The following ENTPD2 variants were observed in gnomAD, a reference collection of about 807,000 sequenced individuals.
The protein encoded by ENTPD2 is ectonucleoside triphosphate diphosphohydrolase 2.
A neutral mutation model predicts 46.8 loss-of-function variants in ENTPD2; 48 were observed. The observed-to-expected ratio is 1.03, with a 90% CI of 0.81 to 1.30. The LOEUF is 1.30. ENTPD2 is among the 50% of genes most tolerant of loss of function. ENTPD2 has a pLI of 0.00. For missense variants in ENTPD2, 707 were observed against 651.1 expected (o/e 1.09, Z -0.93); for synonymous variants, 316 against 286.1 (o/e 1.10, Z -1.06).
intron 4 of ENTPD2, 22 bp from the exon 5 acceptor site, chr9:137,051,151 G>T (rs1832284815): frequency 6.2e-7 from 1 of 1,612,286 alleles, no homozygotes; most frequent in Admixed American, 1.7e-5. Context: ...GGAGTGTGGG[G>T]TCAACCAGGG....
chr9:137,052,417 A>T, intron 1 of ENTPD2, 69 bp from the exon 2 acceptor site: 2 of 1,313,746 alleles, frequency 1.5e-6, no homozygotes, highest in South Asian at 2.5e-5. Flanking sequence ...CCAAACGTGA[A>T]GTTGGGTTCC....
rs1296496618 is a variant in ENTPD2 at position 137,051,191 on chromosome 9, T to C, written c.546+20A>G. The C allele has an allele frequency of 1.9e-6, 3 of 1,611,988 alleles. No individual in the cohort carries two copies. Among genetic ancestry groups the C allele is most frequent in the Admixed American group, 3.3e-5 (2 of 60,002 alleles). ...AGGGCGCCCACGCCCCCTGGCTCTT[T>C]GGCTGGCTGCTGGGCCCACCTTGAT... On this transcript the variant is annotated intron_variant, in intron 4 of 8. Coordinates refer to ENST00000355097, the MANE Select transcript of ENTPD2 (RefSeq NM_203468.3).
At position 137,048,707 on chromosome 9, in the gene ENTPD2, C is replaced by T. The variant is rs139168222; in HGVS notation, c.1438G>A (p.Val480Ile). ...LFASALLAAL[V>I]LLLRQVHSAK... Reference sequence around the variant, plus strand: ...GAGTGCACCTGACGCAGCAGCAGGACAAGCGCAGCCAGGAGCGCGGAGGCG... The same window carrying T: ...GAGTGCACCTGACGCAGCAGCAGGATAAGCGCAGCCAGGAGCGCGGAGGCG... The change falls in exon 9 of 9, where the codon GTC becomes ATC. Residue 480 changes from valine (V) to isoleucine (I), a missense_variant. Coordinates refer to ENST00000355097, the MANE Select transcript of ENTPD2 (RefSeq NM_203468.3). 6.6e-4 allele frequency: 1,053 copies of T among 1,606,124 alleles called. 4 individuals carry two copies. In the African/African-American group the frequency reaches 0.013, roughly 20 times the overall value.
Position 137,053,876 on chromosome 9 carries a change from C to T in ENTPD2, c.117+5G>A. ...CAGACGTGCGCTGGGTGCCCGGGCG[C>T]GCACCTTGAGGGCGGGCGGCTCCCG... On this transcript the variant is annotated splice_donor_5th_base_variant and intron_variant, in intron 1 of 8. Transcript: ENST00000355097. 1 of 1,223,916 alleles carries T rather than the reference C, an allele frequency of 8.2e-7. No homozygotes were observed. Among genetic ancestry groups the T allele is most frequent in the Non-Finnish European group, 1.0e-6 (1 of 982,330 alleles). The allele number at this position is 1,223,916 out of a possible 1,614,324, so 75.8% of individuals were successfully genotyped here. A position where few individuals can be genotyped will look rare whatever the true frequency, so the allele number is the denominator to read the frequency against.
In ENTPD2 at chr9:137,053,908, G is replaced by A. The variant is rs1832351205; in HGVS notation, c.90C>T (p.Arg30=). The A allele has an allele frequency of 3.3e-6, 4 of 1,225,486 alleles. No homozygotes were observed. Among genetic ancestry groups the A allele is most frequent in the South Asian group, 4.1e-5 (1 of 24,418 alleles). The allele number at this position is 1,225,486 out of a possible 1,614,324, so 75.9% of individuals were successfully genotyped here. The part of the protein sequence containing the change: ...AGLLLLCVPT[R]DVREPPALKY... ...TGAGGGCGGGCGGCTCCCGGACGTC[G>A]CGGGTGGGGACGCACAGCAGTAGGA... The change falls in exon 1 of 9, where the codon CGC becomes CGT. Residue 30 remains arginine, a synonymous_variant. Transcript: ENST00000355097.
Position 137,053,912 on chromosome 9 carries a change from G to A in ENTPD2, c.86C>T (p.Thr29Ile). The A allele has an allele frequency of 8.2e-7, 1 of 1,225,732 alleles. No individual in the cohort carries two copies. The highest frequency in any genetic ancestry group is 1.0e-6 in the Non-Finnish European group (1 of 983,938). The allele number at this position is 1,225,732 out of a possible 1,614,324, so 75.9% of individuals were successfully genotyped here. Residue 29 changes from threonine (T) to isoleucine (I), a missense_variant, in exon 1 of 9, where the codon ACC becomes ATC. Transcript: ENST00000355097. Reference sequence around the variant, plus strand: ...GGCGGGCGGCTCCCGGACGTCGCGGGTGGGGACGCACAGCAGTAGGAGGCC... The same window carrying A: ...GGCGGGCGGCTCCCGGACGTCGCGGATGGGGACGCACAGCAGTAGGAGGCC... Reference protein sequence around the residue: ...LAGLLLLCVPTRDVREPPALK... With the variant: ...LAGLLLLCVPIRDVREPPALK...
intron 1 of ENTPD2, chr9:137,052,883 C>G (rs1206360057): frequency 6.5e-6 from 1 of 152,942 alleles, no homozygotes; most frequent in East Asian, 1.9e-4. Flanking sequence ...CAGGTCAGCT[C>G]TAAAGACACT....
Position 137,053,911 on chromosome 9 carries a change from G to A in ENTPD2, c.87C>T (p.Thr29=), listed in dbSNP as rs1350700788. 1 of 1,225,276 alleles carries A rather than the reference G, an allele frequency of 8.2e-7. No homozygotes were observed. The highest frequency in any genetic ancestry group is 1.6e-5 in the African/African-American group (1 of 64,108). The allele number at this position is 1,225,276 out of a possible 1,614,324, so 75.9% of individuals were successfully genotyped here. ...LAGLLLLCVP[T]RDVREPPALK... ...GGGCGGGCGGCTCCCGGACGTCGCGGGTGGGGACGCACAGCAGTAGGAGGC... is the reference window on the plus strand; with the variant it reads ...GGGCGGGCGGCTCCCGGACGTCGCGAGTGGGGACGCACAGCAGTAGGAGGC... Residue 29 remains threonine (T), a synonymous_variant, in exon 1 of 9, where the codon ACC becomes ACT. Coordinates refer to ENST00000355097, the MANE Select transcript of ENTPD2 (RefSeq NM_203468.3).
intron 7 of ENTPD2, 167 bp from the exon 8 acceptor site, chr9:137,049,242 GGGGCACCCCCGGCA>G (rs1832209808): frequency 2.5e-6 from 3 of 1,192,616 alleles, no homozygotes; most frequent in Non-Finnish European, 3.6e-6. Flanking sequence ...CCGAGTCCGA[GGGGCACCCCCGGCA>G]GGGCACGCTT....
chr9:137,051,225 C>T lies in ENTPD2; in HGVS notation c.532G>A (p.Glu178Lys), dbSNP rs76730730. Reference sequence around the variant, plus strand: ...GCTGGGCCCACCTTGATGAAGTTCTCCAGCAGGTAGTTGGCAGTCACCCAG... The same window carrying T: ...GCTGGGCCCACCTTGATGAAGTTCTTCAGCAGGTAGTTGGCAGTCACCCAG... ...FGWVTANYLL[E>K]NFIKYGWVGR... Residue 178 changes from glutamate to lysine, a missense_variant, in exon 4 of 9, where the codon GAG (glutamate) becomes AAG (lysine). Transcript: ENST00000355097. 11,697 of 1,612,742 alleles carry T rather than the reference C, an allele frequency of 7.3e-3. 59 individuals carry two copies. Among genetic ancestry groups the T allele is most frequent in the Non-Finnish European group, 9.2e-3 (10,834 of 1,179,868 alleles).
In ENTPD2 at chr9:137,051,164, C is replaced by T. The variant is rs201716888; in HGVS notation, c.547-35G>A. Reference sequence around the variant, plus strand: ...GGGGAGTGTGGGGTCAACCAGGGGCCGAGGGCGCCCACGCCCCCTGGCTCT... The same window carrying T: ...GGGGAGTGTGGGGTCAACCAGGGGCTGAGGGCGCCCACGCCCCCTGGCTCT... On this transcript the variant is annotated intron_variant, in intron 4 of 8. Transcript: ENST00000355097. 824 of 1,611,792 alleles carry T rather than the reference C, an allele frequency of 5.1e-4. 1 individual carries two copies. The highest frequency in any genetic ancestry group is 1.2e-4 in the Non-Finnish European group (146 of 1,179,256).
chr9:137,051,757 CCCAGA>C (rs1407002855), intron 2 of ENTPD2, 97 bp from the exon 3 acceptor site: 1 of 1,452,770 alleles, frequency 6.9e-7, no homozygotes, highest in Non-Finnish European at 9.0e-7. Flanking sequence ...GCCGTGGGCT[CCCAGA>C]CCAGGTGGCA....
rs1345840303 is a variant in ENTPD2 at position 137,049,680 on chromosome 9, T to G, written c.1149+190A>C. The G allele has an allele frequency of 7.8e-6, 5 of 640,790 alleles. No homozygotes were observed. In the African/African-American group the frequency reaches 9.5e-5, roughly 12 times the overall value. 39.7% of individuals were successfully genotyped at this position (640,790 alleles called of 1,614,324 possible). On this transcript the variant is annotated intron_variant, in intron 7 of 8. Transcript: ENST00000355097. ...TGAGGGTCGGGCCTGGCGAAGCTTC[T>G]CCAACCCGCCCGACTTGTTCACAGC... is the stretch of plus-strand genomic sequence containing the variant.
rs557629801 is a variant in ENTPD2 at position 137,051,223 on chromosome 9, C to T, written c.534G>A (p.Glu178=). Residue 178 remains glutamate (E), a synonymous_variant, in exon 4 of 9, where the codon GAG becomes GAA. Coordinates refer to ENST00000355097, the MANE Select transcript of ENTPD2 (RefSeq NM_203468.3). The part of the protein sequence containing the change: ...FGWVTANYLL[E]NFIKYGWVGR... The stretch of plus-strand genomic sequence containing the variant: ...CTGCTGGGCCCACCTTGATGAAGTT[C>T]TCCAGCAGGTAGTTGGCAGTCACCC... The T allele has an allele frequency of 1.4e-4, 225 of 1,612,738 alleles. No individual in the cohort carries two copies. Among genetic ancestry groups the T allele is most frequent in the Non-Finnish European group, 1.7e-4 (203 of 1,179,874 alleles).
Position 137,049,031 on chromosome 9 carries a change from G to A in ENTPD2, c.1194C>T (p.Tyr398=). The A allele has an allele frequency of 6.5e-7, 1 of 1,536,354 alleles. No individual in the cohort carries two copies. The highest frequency in any genetic ancestry group is 8.7e-7 in the Non-Finnish European group (1 of 1,145,378). Residue 398 remains tyrosine, a synonymous_variant, in exon 8 of 9, where the codon TAC becomes TAT. Coordinates refer to ENST00000355097, the MANE Select transcript of ENTPD2 (RefSeq NM_203468.3). Reference sequence around the variant, plus strand: ...GCTGCACGAACATGGCCCCGGCGCAGTAGTCGGCCAGGCGGGCCCGTTGCC... The same window carrying A: ...GCTGCACGAACATGGCCCCGGCGCAATAGTCGGCCAGGCGGGCCCGTTGCC... ...VPGQRARLAD[Y]CAGAMFVQQL...
Position 137,051,348 on chromosome 9 carries a change from TCGAGGC to T in ENTPD2, c.403_408del (p.Ala135_Ser136del). On this transcript the variant is annotated inframe_deletion, in exon 4 of 9. Transcript: ENST00000355097. Reference sequence around the variant, plus strand: ...TGAGTCACTGCCATGAGCACACTGGTCGAGGCCTCTGGATTGGTCAGGCTGCAAAAC... The same window carrying T: ...TGAGTCACTGCCATGAGCACACTGGTCTCTGGATTGGTCAGGCTGCAAAAC... 6.4e-7 allele frequency: 1 copy of T among 1,569,022 alleles called. No homozygotes were observed. The highest frequency in any genetic ancestry group is 8.7e-7 in the Non-Finnish European group (1 of 1,155,044).
In ENTPD2 at chr9:137,050,410, C is replaced by G; in HGVS notation, c.903G>C (p.Leu301=). The change falls in exon 6 of 9, where the codon CTG becomes CTC. Residue 301 remains leucine, a synonymous_variant. Coordinates refer to ENST00000355097, the MANE Select transcript of ENTPD2 (RefSeq NM_203468.3). ...AGAGGTGGGGGTCACTGCTCCCTGA[C>G]AGGCTGACCCTGGCACTGCTGTTGA... is the stretch of plus-strand genomic sequence containing the variant. The part of the protein sequence containing the change: ...QNFNSSARVS[L]SGSSDPHLCR... 6.2e-7 allele frequency: 1 copy of G among 1,613,000 alleles called. No homozygotes were observed. Among genetic ancestry groups the G allele is most frequent in the Non-Finnish European group, 8.5e-7 (1 of 1,180,012 alleles).
rs200961887 is a variant in ENTPD2 at position 137,048,861 on chromosome 9, C to G, written c.1285-1G>C. ...CCCAGCCCACTGCAGTGTCCGCGGC[C>G]TGCGGGGAAGGGCGTGGCCTCAGCT... On this transcript the variant is annotated splice_acceptor_variant, in intron 8 of 8. Coordinates refer to ENST00000355097, the MANE Select transcript of ENTPD2 (RefSeq NM_203468.3). LOFTEE classifies it high-confidence loss of function. The G allele has an allele frequency of 3.1e-5, 47 of 1,532,598 alleles. No individual in the cohort carries two copies. In the East Asian group the frequency reaches 7.7e-4, roughly 25 times the overall value. The allele number at this position is 1,532,598 out of a possible 1,614,324, so 94.9% of individuals were successfully genotyped here.
rs1832353954 is a variant in ENTPD2 at position 137,053,969 on chromosome 9, G to GGCA, written c.26_28dup (p.Leu9dup). 1.6e-6 allele frequency: 2 copies of GGCA among 1,222,104 alleles called. No individual in the cohort carries two copies. Among genetic ancestry groups the GGCA allele is most frequent in the East Asian group, 3.2e-5 (1 of 30,796 alleles). 75.7% of individuals were successfully genotyped at this position (1,222,104 alleles called of 1,614,324 possible). On this transcript the variant is annotated inframe_insertion, in exon 1 of 9. Coordinates refer to ENST00000355097, the MANE Select transcript of ENTPD2 (RefSeq NM_203468.3). ...GCCCGCGGCGGCCAGCAGCAGCGGCGGCAGCAGTGACCGCACCTTCCCGGC... is the reference window on the plus strand; with the variant it reads ...GCCCGCGGCGGCCAGCAGCAGCGGCGGCAGCAGCAGTGACCGCACCTTCCCGGC...
Sources: gnomAD v4.1 joint callset for allele counts on GRCh38, gnomAD v4.1.1 for gene constraint, MANE v1.5 for transcripts, NCBI Gene and HGNC (gene_info 2026-07-23, HGNC 2026-07-21) for gene names.